CPNE4: variants seen among roughly 807,000 people sequenced by gnomAD.
CPNE4 encodes the protein copine 4, also known as copine-4.
CPNE4 carries 25 observed loss-of-function variants against 67.9 expected under a neutral mutation model. The observed-to-expected ratio is 0.37, with a 90% CI of 0.27 to 0.51. The LOEUF (loss-of-function observed/expected upper bound fraction) is 0.51. Among genes scored for constraint, CPNE4 ranks in the 20% least tolerant of loss-of-function variants. The pLI is 0.93. For synonymous variants in CPNE4, 242 were observed against 244.9 expected (o/e 0.99, Z 0.11); for missense variants, 464 against 690.8 (o/e 0.67, Z 3.68).
chr3:131,976,877 T>C (rs9826421), intron 1 of CPNE4, among the ~76,000 whole-genome samples: 24,469 of 151,884 alleles, frequency 0.16, 2,382 homozygotes, highest in Middle Eastern at 0.21. Context: ...TCTTGGCTCA[T>C]TGCAATCTCT....
intron 2 of CPNE4, among the ~76,000 whole-genome samples, chr3:131,887,122 T>G (rs1200389658): frequency 6.6e-6 from 1 of 152,224 alleles, no homozygotes; most frequent in Non-Finnish European, 1.5e-5. Context: ...TCCCACATGT[T>G]GTGGGAGGGA....
chr3:131,981,438 C>T (rs917920261), intron 1 of CPNE4, among the ~76,000 whole-genome samples: 1 of 151,996 alleles, frequency 6.6e-6, no homozygotes, highest in African/African-American at 2.4e-5. Context: ...TTATGGCCGC[C>T]TCTTCTGAGT....
chr3:131,971,441 A>T (rs2072499412), intron 1 of CPNE4, among the ~76,000 whole-genome samples: 1 of 152,162 alleles, frequency 6.6e-6, no homozygotes, highest in South Asian at 2.1e-4. Context: ...ATAGAACCAC[A>T]ATCTCTTCAA....
intron 1 of CPNE4, among the ~76,000 whole-genome samples, chr3:131,997,740 A>C (rs2073331127): frequency 6.6e-6 from 1 of 152,150 alleles, no homozygotes; most frequent in Admixed American, 6.6e-5. Flanking sequence ...CAGCATGGTC[A>C]CAGGTATGAA....
chr3:132,001,893 A>G (rs2073460850), intron 1 of CPNE4, among the ~76,000 whole-genome samples: 1 of 152,142 alleles, frequency 6.6e-6, no homozygotes, highest in Admixed American at 6.6e-5. Context: ...CTGGTAACCA[A>G]TATACAACAA....
chr3:131,929,124 A>G (rs1467024714), intron 1 of CPNE4, among the ~76,000 whole-genome samples: 1 of 151,346 alleles, frequency 6.6e-6, no homozygotes, highest in Non-Finnish European at 1.5e-5. Flanking sequence ...GTGAGGTTTA[A>G]ATTTTATGTA....
chr3:131,679,569 C>T (rs2080683271), intron 6 of CPNE4, among the ~76,000 whole-genome samples: 1 of 152,074 alleles, frequency 6.6e-6, no homozygotes, highest in Non-Finnish European at 1.5e-5. Flanking sequence ...CATTTTAGTG[C>T]TATAAATTTC....
intron 2 of CPNE4, among the ~76,000 whole-genome samples, chr3:131,873,022 TAA>T (rs1019012480): frequency 2.0e-5 from 3 of 152,354 alleles, no homozygotes; most frequent in South Asian, 4.1e-4. Flanking sequence ...AGGTTTGAGG[TAA>T]AGTTTTGCAC....
intron 4 of CPNE4, among the ~76,000 whole-genome samples, chr3:131,699,353 A>C (rs1018975259): frequency 6.6e-6 from 1 of 152,260 alleles, no homozygotes; most frequent in Non-Finnish European, 1.5e-5. Context: ...TTTAATTTTA[A>C]ATAGTTTTAT....
In CPNE4 at chr3:131,975,317, A is replaced by T. The variant is rs182538019; in HGVS notation, c.-2+59250T>A. ...TCCAGGCAATATAGGACAGAAGCAC[A>T]GGTTTTCATGGTGTGATAGAAAAAC... On this transcript the variant is annotated intron_variant, in intron 1 of 15. Transcript: ENST00000429747. Among the ~76,000 whole-genome samples the T allele has an allele frequency of 1.9e-3, 297 of 152,310 alleles. 1 individual carries two copies. The highest frequency in any genetic ancestry group is 5.1e-3 in the Admixed American group (78 of 15,308).
At chr3:131,553,848 T>A (rs1263972946) in intron 12 of CPNE4, among the ~76,000 whole-genome samples, 2 of 152,052 alleles carry the variant, frequency 1.3e-5, no homozygotes, top group Non-Finnish European at 2.9e-5. Flanking sequence ...GCTGCTCAAA[T>A]CATCAGTGCT....
At chr3:131,718,247 C>A (rs1198287322) in intron 3 of CPNE4, among the ~76,000 whole-genome samples, 1 of 151,994 alleles carries the variant, frequency 6.6e-6, no homozygotes, top group Non-Finnish European at 1.5e-5. Context: ...CCAGCCTCAG[C>A]GTGCTTGGAT....
chr3:131,930,871 A>G (rs964656101), intron 1 of CPNE4, among the ~76,000 whole-genome samples: 1 of 152,114 alleles, frequency 6.6e-6, no homozygotes, highest in Non-Finnish European at 1.5e-5. Flanking sequence ...TAGGAGTTTC[A>G]GAAACAGGTA....
intron 2 of CPNE4, among the ~76,000 whole-genome samples, chr3:131,736,414 G>C (rs1427195063): frequency 4.6e-5 from 7 of 151,890 alleles, no homozygotes; most frequent in African/African-American, 1.7e-4. Context: ...CAGGTCAAGA[G>C]ATTGAGACCA....
intron 8 of CPNE4, among the ~76,000 whole-genome samples, chr3:131,582,627 G>T (rs1468457947): frequency 6.6e-6 from 1 of 152,126 alleles, no homozygotes; most frequent in Non-Finnish European, 1.5e-5. Flanking sequence ...CCACAATGAT[G>T]AGGCATTTAG....
chr3:131,717,711 G>C (rs917459270), intron 3 of CPNE4, among the ~76,000 whole-genome samples: 2 of 151,934 alleles, frequency 1.3e-5, no homozygotes, highest in Non-Finnish European at 2.9e-5. Context: ...CTCTTTTCTG[G>C]CCCCCTCTTT....
At chr3:131,682,024 A>C (rs943621248) in intron 6 of CPNE4, among the ~76,000 whole-genome samples, 1 of 151,996 alleles carries the variant, frequency 6.6e-6, no homozygotes, top group Non-Finnish European at 1.5e-5. Context: ...TAGGCTTCTG[A>C]ATTCCTTCTC....
chr3:131,969,188 A>G (rs1315782706), intron 1 of CPNE4, among the ~76,000 whole-genome samples: 1 of 151,988 alleles, frequency 6.6e-6, no homozygotes, highest in Admixed American at 6.6e-5. Context: ...GGGGAACATC[A>G]CACACCAGGG....
intron 3 of CPNE4, among the ~76,000 whole-genome samples, chr3:131,709,096 C>G (rs916215195): frequency 1.3e-5 from 2 of 150,326 alleles, no homozygotes; most frequent in African/African-American, 2.4e-5. Flanking sequence ...TACATGAATT[C>G]TGATATCAGG....
Sources: gnomAD v4.1 joint callset for allele counts (sites outside exome capture counted in the v4.1 genomes callset) on GRCh38, gnomAD v4.1.1 for gene constraint, MANE v1.5 for transcripts, NCBI Gene and HGNC (gene_info 2026-07-23, HGNC 2026-07-21) for gene names.